The following ALDH7A1 variants were observed in gnomAD, a reference collection of about 807,000 sequenced individuals.
ALDH7A1 encodes alpha-aminoadipic semialdehyde dehydrogenase.
In ALDH7A1, 63 loss-of-function variants were observed where a neutral mutation model predicts 79.9. The ratio of observed to expected loss-of-function variants is 0.79; its 90% CI spans 0.64 to 0.97. The LOEUF (loss-of-function observed/expected upper bound fraction) is 0.97. ALDH7A1 is among the 50% of genes least tolerant of loss of function. The probability of loss-of-function intolerance (pLI) is 0.00; values close to 1 mark genes in which losing one functional copy is unlikely to be tolerated. For synonymous variants in ALDH7A1, 240 were observed against 231.2 expected, an observed-to-expected ratio of 1.04 and a Z score of -0.34; for missense variants, 627 against 665.2, an observed-to-expected ratio of 0.94 and a Z score of 0.63.
chr5:126,585,679 A>T (rs1751336389), intron 3 of ALDH7A1, among the ~76,000 whole-genome samples: 1 of 152,098 alleles, frequency 6.6e-6, no homozygotes. Context: ...CTCCTGCCTC[A>T]GCCTCCCAAG....
At chr5:126,547,256 C>T (rs1749816508) in intron 16 of ALDH7A1, among the ~76,000 whole-genome samples, 1 of 152,252 alleles carries the variant, frequency 6.6e-6, no homozygotes, top group Non-Finnish European at 1.5e-5. Context: ...CCTCATGGGT[C>T]TTCCCCAACA....
intron 5 of ALDH7A1, among the ~76,000 whole-genome samples, chr5:126,579,060 A>ACC (rs1400129956): frequency 6.6e-6 from 1 of 151,820 alleles, no homozygotes; most frequent in Non-Finnish European, 1.5e-5. Flanking sequence ...CCCTGATGTC[A>ACC]CCCCCTTGCT....
At position 126,574,762 on chromosome 5, in the gene ALDH7A1, C is replaced by T. The variant is rs536658875; in HGVS notation, c.695+658G>A. Reference sequence around the variant, plus strand: ...AACCCTCTTGCCCACAGTCTCCACCCCAATTTCTCTACTAATAATTCTGAA... The same window carrying T: ...AACCCTCTTGCCCACAGTCTCCACCTCAATTTCTCTACTAATAATTCTGAA... On this transcript the variant is annotated intron_variant, in intron 7 of 17. Transcript: ENST00000409134. Among the ~76,000 whole-genome samples the T allele has an allele frequency of 1.8e-3, 270 of 151,620 alleles. 1 individual carries two copies. The highest frequency in any genetic ancestry group is 6.4e-3 in the African/African-American group (263 of 41,076).
chr5:126,567,154 T>C (rs1365953086), intron 9 of ALDH7A1, among the ~76,000 whole-genome samples: 1 of 152,226 alleles, frequency 6.6e-6, no homozygotes, highest in African/African-American at 2.4e-5. Context: ...TCCTCTACTT[T>C]TGCCTCTTTT....
intron 7 of ALDH7A1, 36 bp from the exon 8 acceptor site, chr5:126,570,895 T>C (rs772065749): frequency 6.3e-7 from 1 of 1,597,236 alleles, no homozygotes; most frequent in East Asian, 2.2e-5. Flanking sequence ...GGCAATAATT[T>C]AAGGCATTTT....
At chr5:126,551,080 C>T (rs941206604) in intron 14 of ALDH7A1, among the ~76,000 whole-genome samples, 1 of 152,080 alleles carries the variant, frequency 6.6e-6, no homozygotes, top group African/African-American at 2.4e-5. Flanking sequence ...TAGGTACATA[C>T]AACACCTGGC....
chr5:126,547,093 G>A (rs530003825), intron 16 of ALDH7A1, among the ~76,000 whole-genome samples: 85 of 152,310 alleles, frequency 5.6e-4, no homozygotes, highest in African/African-American at 2.0e-3. Flanking sequence ...AGCTAACAGC[G>A]CCTCTGAAAC....
At chr5:126,552,477 C>A (rs545883153) in intron 13 of ALDH7A1, among the ~76,000 whole-genome samples, 134 of 152,276 alleles carry the variant, frequency 8.8e-4, no homozygotes, top group Middle Eastern at 3.4e-3. Flanking sequence ...ACTGCAACCT[C>A]CGTCTCCCGG....
rs201720741 is a variant in ALDH7A1, at chr5:126,584,027, C to T, written c.313-15G>A. 1.8e-4 allele frequency: 290 copies of T among 1,607,480 alleles called. 6 individuals carry two copies. In the South Asian group the frequency reaches 3.0e-3, roughly 17 times the overall value. On this transcript the variant is annotated splice_polypyrimidine_tract_variant and intron_variant, in intron 3 of 17. Coordinates refer to ENST00000409134, the MANE Select transcript of ALDH7A1 (RefSeq NM_001182.5). The stretch of plus-strand genomic sequence containing the variant: ...GGAGCAGGAATCTAAGAAAAGAATG[C>T]AATTTTTGTGTCTGATTCAAAGCAT...
intron 9 of ALDH7A1, 164 bp from the exon 10 acceptor site, chr5:126,561,288 T>A (rs1030097670): frequency 6.0e-5 from 27 of 453,016 alleles, no homozygotes; most frequent in Non-Finnish European, 9.7e-5. Flanking sequence ...CCTATCCCAA[T>A]TATTTTTCAA....
intron 12 of ALDH7A1, chr5:126,555,418 G>A (rs993519445): frequency 1.9e-5 from 3 of 154,200 alleles, no homozygotes; most frequent in African/African-American, 7.5e-5. Flanking sequence ...AGGAGGCGGA[G>A]GCTGCAGTGA....
Position 126,575,417 on chromosome 5 carries a change from T to A in ALDH7A1, c.695+3A>T, listed in dbSNP as rs1750930987. The A allele has an allele frequency of 4.3e-6, 7 of 1,613,138 alleles. No individual in the cohort carries two copies. The highest frequency in any genetic ancestry group is 5.9e-6 in the Non-Finnish European group (7 of 1,179,536). ...CAGGAAAAAGAAAGCCACATGTACTTACTTTGTGACAGCCACACTAATGAG... is the reference window on the plus strand; with the variant it reads ...CAGGAAAAAGAAAGCCACATGTACTAACTTTGTGACAGCCACACTAATGAG... On this transcript the variant is annotated splice_donor_region_variant and intron_variant, in intron 7 of 17. Coordinates refer to ENST00000409134, the MANE Select transcript of ALDH7A1 (RefSeq NM_001182.5).
At chr5:126,557,497 G>C (rs1581366285) in intron 11 of ALDH7A1, among the ~76,000 whole-genome samples, 1 of 151,212 alleles carries the variant, frequency 6.6e-6, no homozygotes, top group African/African-American at 2.4e-5. Flanking sequence ...TGAGGTGGGA[G>C]AATCACTTGA....
chr5:126,568,642 A>G (rs900162981), intron 8 of ALDH7A1: 2 of 417,592 alleles, frequency 4.8e-6, no homozygotes, highest in African/African-American at 4.0e-5. Context: ...GTGACTGGAC[A>G]ATATGATCTT....
intron 11 of ALDH7A1, among the ~76,000 whole-genome samples, chr5:126,558,080 A>C (rs1161843784): frequency 1.3e-5 from 2 of 148,924 alleles, no homozygotes; most frequent in African/African-American, 4.9e-5. Context: ...AGGCAGGAGA[A>C]TCGCTTGAAT....
At chr5:126,554,823 G>A (rs541895748) in intron 12 of ALDH7A1, 76 of 298,064 alleles carry the variant, frequency 2.5e-4, no homozygotes, top group African/African-American at 1.4e-3. Flanking sequence ...CTCAGTAGTT[G>A]GTGTATAATT....
At chr5:126,554,761 AG>A (rs1750124757) in intron 12 of ALDH7A1, 1 of 351,650 alleles carries the variant, frequency 2.8e-6, no homozygotes, top group South Asian at 2.3e-5. Context: ...CTCAAAATAT[AG>A]GGTCAGTTTA....
chr5:126,590,474 A>G (rs1003631007), intron 3 of ALDH7A1, among the ~76,000 whole-genome samples: 7 of 152,158 alleles, frequency 4.6e-5, no homozygotes, highest in Admixed American at 2.6e-4. Context: ...CAGGAGAATC[A>G]CTTGAACCCG....
At chr5:126,547,536 A>C (rs11241901) in intron 16 of ALDH7A1, among the ~76,000 whole-genome samples, 80,492 of 151,964 alleles carry the variant, frequency 0.53, 21,830 homozygotes, top group African/African-American at 0.62. Context: ...CTTCTTCAGT[A>C]TGCAAGGGTA....
Sources: gnomAD v4.1 joint callset for allele counts (sites outside exome capture counted in the v4.1 genomes callset) on GRCh38, gnomAD v4.1.1 for gene constraint, MANE v1.5 for transcripts, NCBI Gene and HGNC (gene_info 2026-07-23, HGNC 2026-07-21) for gene names.